The following OXR1 variants were observed in gnomAD, a reference collection of about 807,000 sequenced individuals.
OXR1 encodes oxidation resistance protein 1.
In OXR1, 41 loss-of-function variants were observed where a neutral mutation model predicts 104.6. That is an observed-to-expected ratio of 0.39 (90% CI 0.31 to 0.51). The LOEUF (loss-of-function observed/expected upper bound fraction) is 0.51. Among genes scored for constraint, OXR1 ranks in the 20% least tolerant of loss-of-function variants. The pLI is 0.77. For synonymous variants in OXR1, 348 were observed against 348.4 expected, an observed-to-expected ratio of 1.00 and a Z score of 0.01; for missense variants, 955 against 1,031.9, an observed-to-expected ratio of 0.93 and a Z score of 1.02.
rs141983939 is a variant in OXR1, at chr8:106,485,525, CTG to C, written c.24-33416_24-33415del. Among the ~76,000 whole-genome samples the C allele has an allele frequency of 2.3e-3, 352 of 152,130 alleles. 2 individuals carry two copies. The highest frequency in any genetic ancestry group is 8.2e-3 in the African/African-American group (342 of 41,544). ...CATTGATTAATCAAGCAAAAGAAAA[CTG>C]TTCACCTATTTCAGAGTGTTAGTCT... On this transcript the variant is annotated intron_variant, in intron 2 of 16. Coordinates refer to ENST00000517566, the MANE Select transcript of OXR1 (RefSeq NM_001198533.2).
chr8:106,438,388 G>GA lies in OXR1; in HGVS notation c.23+78759dup, dbSNP rs564959919. 6.2e-4 allele frequency among the ~76,000 whole-genome samples: 95 copies of GA among 152,064 alleles called. No homozygotes were observed. The East Asian group carries it at 0.013, about 20-fold the overall frequency. On this transcript the variant is annotated intron_variant, in intron 2 of 16. Transcript: ENST00000517566. The stretch of plus-strand genomic sequence containing the variant: ...ACCCTGAATTTCCCAGATTTAATAT[G>GA]AAAAAAATGCAAAATATCTCAATCA...
intron 1 of OXR1, among the ~76,000 whole-genome samples, chr8:106,336,021 C>T (rs1814947939): frequency 1.3e-5 from 2 of 152,196 alleles, no homozygotes; most frequent in Middle Eastern, 3.4e-3. Context: ...ACCTGAACCC[C>T]GGAGGCAGAG....
chr8:106,650,244 A>C (rs1824451716), intron 3 of OXR1, among the ~76,000 whole-genome samples: 1 of 152,190 alleles, frequency 6.6e-6, no homozygotes, highest in South Asian at 2.1e-4. Flanking sequence ...ACATCTCTAT[A>C]TGATCTCTAT....
intron 2 of OXR1, among the ~76,000 whole-genome samples, chr8:106,457,608 C>G: frequency 6.6e-6 from 1 of 152,070 alleles, no homozygotes; most frequent in Non-Finnish European, 1.5e-5. Flanking sequence ...GTAAATGGAG[C>G]ATTAAGGACA....
chr8:106,403,807 A>T (rs1818099102), intron 2 of OXR1, among the ~76,000 whole-genome samples: 1 of 152,112 alleles, frequency 6.6e-6, no homozygotes, highest in African/African-American at 2.4e-5. Context: ...ATCCATTCCC[A>T]CACATGTTCC....
intron 2 of OXR1, among the ~76,000 whole-genome samples, chr8:106,460,019 GT>G (rs1820818054): frequency 1.3e-5 from 2 of 152,090 alleles, no homozygotes. Context: ...TCATTTACTT[GT>G]TTTAAAATAA....
At chr8:106,390,281 G>A (rs1817540619) in intron 2 of OXR1, among the ~76,000 whole-genome samples, 1 of 151,984 alleles carries the variant, frequency 6.6e-6, no homozygotes, top group Non-Finnish European at 1.5e-5. Context: ...GCCAGCCTAG[G>A]GACACTACTG....
intron 3 of OXR1, among the ~76,000 whole-genome samples, chr8:106,591,036 T>C (rs1383755018): frequency 6.6e-6 from 1 of 151,860 alleles, no homozygotes; most frequent in Non-Finnish European, 1.5e-5. Context: ...AAGGGTATCA[T>C]TGCGTTTCTA....
At chr8:106,669,547 A>G (rs1166275641) in intron 3 of OXR1, among the ~76,000 whole-genome samples, 1 of 152,120 alleles carries the variant, frequency 6.6e-6, no homozygotes, top group Admixed American at 6.5e-5. Flanking sequence ...AAAAGCTACA[A>G]TCAGCAATCT....
chr8:106,733,457 G>A (rs1042726435), intron 11 of OXR1, among the ~76,000 whole-genome samples: 2 of 151,952 alleles, frequency 1.3e-5, no homozygotes, highest in African/African-American at 4.8e-5. Context: ...TATTGATTTT[G>A]TTTTTAATCT....
intron 2 of OXR1, among the ~76,000 whole-genome samples, chr8:106,419,738 GGAT>G (rs922246582): frequency 6.6e-6 from 1 of 152,022 alleles, no homozygotes; most frequent in Non-Finnish European, 1.5e-5. Context: ...CTTAGTCACT[GGAT>G]GTTTTTCTTT....
intron 3 of OXR1, among the ~76,000 whole-genome samples, chr8:106,566,896 A>G (rs1817116115): frequency 6.6e-6 from 1 of 152,180 alleles, no homozygotes; most frequent in South Asian, 2.1e-4. Flanking sequence ...GTTCTCACTC[A>G]TAAGTGTGAG....
At chr8:106,659,460 C>T (rs914517855) in intron 3 of OXR1, among the ~76,000 whole-genome samples, 1 of 152,164 alleles carries the variant, frequency 6.6e-6, no homozygotes, top group South Asian at 2.1e-4. Context: ...GAGGGGAATA[C>T]TTTTGTTTCT....
rs1030478790 is a variant in OXR1, at chr8:106,359,595, T to C, written c.-19T>C. 8 of 1,546,582 alleles carry C rather than the reference T, an allele frequency of 5.2e-6. No homozygotes were observed. In the African/African-American group the frequency reaches 1.1e-4, roughly 21 times the overall value. ...TCCTGTTCTGGAATCGAGAGAAGAC[T>C]CCTCAACAAGTTGCTGCAATGTCTG... On this transcript the variant is annotated 5_prime_UTR_variant, in exon 2 of 17. Coordinates refer to ENST00000517566, the MANE Select transcript of OXR1 (RefSeq NM_001198533.2).
intron 3 of OXR1, chr8:106,605,164 G>A (rs1820272954): frequency 3.3e-5 from 5 of 152,192 alleles, no homozygotes; most frequent in Admixed American, 3.3e-4. Flanking sequence ...CACTGGGAAA[G>A]CCAAGCTTTT....
At chr8:106,431,545 T>G (rs955951258) in intron 2 of OXR1, among the ~76,000 whole-genome samples, 1 of 152,222 alleles carries the variant, frequency 6.6e-6, no homozygotes, top group African/African-American at 2.4e-5. Context: ...TCTGCCATCA[T>G]GCTTCATTTT....
At chr8:106,605,957 A>ATAATAATAAAATGTGGATGT (rs1448928048) in intron 3 of OXR1, among the ~76,000 whole-genome samples, 1 of 152,200 alleles carries the variant, frequency 6.6e-6, no homozygotes, top group South Asian at 2.1e-4. Context: ...AATGTGGATG[A>ATAATAATAAAATGTGGATGT]TAATCCCACC....
rs569015632 is a variant in OXR1 at position 106,637,314 on chromosome 8, C to T, written c.221-41896C>T. Among the ~76,000 whole-genome samples the T allele has an allele frequency of 5.3e-5, 8 of 150,424 alleles. No individual in the cohort carries two copies. In the South Asian group the frequency reaches 1.3e-3, roughly 24 times the overall value. ...AATTATGTTATGTCAAAAGAAAGAACTTTAATGTGTGTGTGTATATATATA... is the reference window on the plus strand; with the variant it reads ...AATTATGTTATGTCAAAAGAAAGAATTTTAATGTGTGTGTGTATATATATA... On this transcript the variant is annotated intron_variant, in intron 3 of 16. Coordinates refer to ENST00000517566, the MANE Select transcript of OXR1 (RefSeq NM_001198533.2).
Position 106,641,071 on chromosome 8 carries a change from T to C in OXR1, c.221-38139T>C, listed in dbSNP as rs142221029. On this transcript the variant is annotated intron_variant, in intron 3 of 16. Transcript: ENST00000517566. ...ACAAGTTATCAAATACATCCAATCA[T>C]GCTAATGACATTTACAACATATAAA... 5.1e-3 allele frequency among the ~76,000 whole-genome samples: 783 copies of C among 152,346 alleles called. 11 individuals are homozygous for C. Among genetic ancestry groups the C allele is most frequent in the African/African-American group, 0.018 (734 of 41,584 alleles).
Sources: allele counts gnomAD v4.1 joint callset (sites outside exome capture counted in the v4.1 genomes callset), GRCh38; gene constraint gnomAD v4.1.1; transcripts MANE v1.5; gene names NCBI Gene and HGNC (gene_info 2026-07-23, HGNC 2026-07-21).